SPTLC3: variants seen among roughly 807,000 people sequenced by gnomAD.
SPTLC3 encodes serine palmitoyltransferase 3.
SPTLC3 carries 36 observed loss-of-function variants against 59.3 expected under a neutral mutation model. The ratio of observed to expected loss-of-function variants is 0.61; its 90% confidence interval spans 0.47 to 0.80. The LOEUF (loss-of-function observed/expected upper bound fraction) is 0.80. SPTLC3 is among the 30% of genes least tolerant of loss of function. The pLI is 0.00. For missense variants in SPTLC3, 625 were observed against 685.1 expected (o/e 0.91, Z 0.98); for synonymous variants, 257 against 240.8 (o/e 1.07, Z -0.62).
chr20:13,044,995 CCACACACACACACACACACACACACA>C (rs5840546), intron 1 of SPTLC3, among the ~76,000 whole-genome samples: 3 of 141,432 alleles, frequency 2.1e-5, no homozygotes, highest in African/African-American at 7.8e-5. Context: ...TGTGTCCCCA[CCACACACACACACACACACACACACA>C]CACACACACA....
At chr20:13,132,342 A>G (rs149354929) in intron 9 of SPTLC3, among the ~76,000 whole-genome samples, 13,699 of 151,638 alleles carry the variant, frequency 0.09, 660 homozygotes, top group Middle Eastern at 0.12. Context: ...ACGCCCAGCT[A>G]ATTTTTGTAT....
intron 2 of SPTLC3, among the ~76,000 whole-genome samples, chr20:13,056,392 C>T (rs1199147953): frequency 6.6e-6 from 1 of 151,728 alleles, no homozygotes; most frequent in Non-Finnish European, 1.5e-5. Context: ...TAACTGCAGT[C>T]ACTATCTTTC....
intron 10 of SPTLC3, among the ~76,000 whole-genome samples, chr20:13,158,950 C>A (rs546922757): frequency 2.7e-4 from 41 of 152,316 alleles, no homozygotes; most frequent in African/African-American, 9.6e-4. Context: ...AATACACCAG[C>A]AATCTCTTAA....
intron 2 of SPTLC3, among the ~76,000 whole-genome samples, chr20:13,052,868 C>T (rs1383390267): frequency 2.0e-5 from 3 of 152,106 alleles, no homozygotes; most frequent in Non-Finnish European, 4.4e-5. Flanking sequence ...CCTGGCATCT[C>T]GGGAAAGAAA....
chr20:13,059,323 A>C (rs891787978), intron 2 of SPTLC3, among the ~76,000 whole-genome samples: 2 of 152,184 alleles, frequency 1.3e-5, no homozygotes, highest in Admixed American at 1.3e-4. Flanking sequence ...CGTCGCTAGT[A>C]TCGCCTGAGA....
intron 1 of SPTLC3, among the ~76,000 whole-genome samples, chr20:13,013,685 C>A (rs1408492076): frequency 6.6e-6 from 1 of 152,200 alleles, no homozygotes; most frequent in African/African-American, 2.4e-5. Flanking sequence ...TGAAAATATT[C>A]TCCCTCCATT....
intron 9 of SPTLC3, among the ~76,000 whole-genome samples, chr20:13,129,345 G>A (rs1372492871): frequency 1.3e-5 from 2 of 152,176 alleles, no homozygotes; most frequent in Admixed American, 6.5e-5. Flanking sequence ...GCGAGATAGA[G>A]TGGCATCTTT....
At chr20:13,058,382 A>G (rs1987813430) in intron 2 of SPTLC3, among the ~76,000 whole-genome samples, 1 of 151,982 alleles carries the variant, frequency 6.6e-6, no homozygotes, top group African/African-American at 2.4e-5. Context: ...CCGAACCCAA[A>G]GTTTCATTGG....
At chr20:13,089,342 C>A (rs1346424671) in intron 4 of SPTLC3, among the ~76,000 whole-genome samples, 1 of 152,058 alleles carries the variant, frequency 6.6e-6, no homozygotes, top group Non-Finnish European at 1.5e-5. Flanking sequence ...AAGCACTGCT[C>A]AATAAAAACA....
chr20:13,072,237 T>C lies in SPTLC3; in HGVS notation c.304-19T>C. Reference sequence around the variant, plus strand: ...GAAAGCAAAGAACCAGAGATAACCTTCTACCTCTGTTCTAACAGGATTTTG... The same window carrying C: ...GAAAGCAAAGAACCAGAGATAACCTCCTACCTCTGTTCTAACAGGATTTTG... On this transcript the variant is annotated intron_variant, in intron 2 of 11. Transcript: ENST00000399002. The C allele has an allele frequency of 1.9e-6, 3 of 1,602,720 alleles. No individual in the cohort carries two copies. Among genetic ancestry groups the C allele is most frequent in the Non-Finnish European group, 2.6e-6 (3 of 1,175,956 alleles).
intron 1 of SPTLC3, among the ~76,000 whole-genome samples, chr20:13,017,130 A>G (rs1354955109): frequency 6.6e-6 from 1 of 152,210 alleles, no homozygotes; most frequent in Non-Finnish European, 1.5e-5. Flanking sequence ...ACACAGCCTT[A>G]AAGGGCAGAG....
chr20:13,095,590 G>A (rs1989382675), intron 6 of SPTLC3, among the ~76,000 whole-genome samples: 2 of 152,132 alleles, frequency 1.3e-5, no homozygotes, highest in African/African-American at 4.8e-5. Context: ...TCCAGCTTAA[G>A]GCTTTTAGGG....
At chr20:13,018,407 A>C (rs532432990) in intron 1 of SPTLC3, among the ~76,000 whole-genome samples, 3 of 152,328 alleles carry the variant, frequency 2.0e-5, no homozygotes, top group Non-Finnish European at 4.4e-5. Context: ...TTTGTTTGGC[A>C]TAAGGACTGT....
chr20:13,093,390 G>C (rs996799656), intron 5 of SPTLC3, 94 bp from the exon 6 acceptor site: 2 of 1,117,086 alleles, frequency 1.8e-6, no homozygotes, highest in East Asian at 2.4e-5. Flanking sequence ...TAGAAATTGT[G>C]TTATAGGTTT....
intron 6 of SPTLC3, among the ~76,000 whole-genome samples, chr20:13,101,361 T>C (rs767824324): frequency 4.6e-5 from 7 of 152,206 alleles, no homozygotes; most frequent in Non-Finnish European, 8.8e-5. Flanking sequence ...AGGCCATATG[T>C]AGGAGTCAGA....
At chr20:13,056,078 G>A (rs1987710172) in intron 2 of SPTLC3, among the ~76,000 whole-genome samples, 1 of 152,206 alleles carries the variant, frequency 6.6e-6, no homozygotes. Context: ...GGGAATGGAT[G>A]CATCAGTTCT....
chr20:13,091,058 A>G, intron 4 of SPTLC3, 25 bp from the exon 5 acceptor site: 3 of 1,611,940 alleles, frequency 1.9e-6, no homozygotes, highest in Non-Finnish European at 2.5e-6. Context: ...GAGAAGGCTC[A>G]CTTCTCATGT....
chr20:13,163,242 C>T (rs139555639), intron 11 of SPTLC3, among the ~76,000 whole-genome samples: 15 of 151,946 alleles, frequency 9.9e-5, no homozygotes, highest in African/African-American at 3.6e-4. Context: ...GTAGCATGTG[C>T]CTGTAATCCC....
chr20:13,081,087 T>C (rs1324584205), intron 4 of SPTLC3, among the ~76,000 whole-genome samples: 2 of 151,876 alleles, frequency 1.3e-5, no homozygotes, highest in Admixed American at 1.3e-4. Flanking sequence ...ATATAGAGAG[T>C]TTATTTGGGC....
Sources: gnomAD v4.1 joint callset for allele counts (sites outside exome capture counted in the v4.1 genomes callset) on GRCh38, gnomAD v4.1.1 for gene constraint, MANE v1.5 for transcripts, NCBI Gene and HGNC (gene_info 2026-07-23, HGNC 2026-07-21) for gene names.